BMPR2: variants seen among roughly 807,000 people sequenced by gnomAD.
BMPR2 encodes the protein bone morphogenetic protein receptor type-2.
Under a neutral mutation model 100.8 loss-of-function variants are expected in BMPR2, and 29 were observed. The observed-to-expected ratio is 0.29, with a 90% CI of 0.21 to 0.39. The LOEUF (loss-of-function observed/expected upper bound fraction) is 0.39, where lower values mean the gene tolerates loss of function less well. Among genes scored for constraint, BMPR2 ranks in the 10% least tolerant of loss-of-function variants. The pLI is 1.00. For missense variants in BMPR2, 1,011 were observed against 1,274.5 expected, an observed-to-expected ratio of 0.79 and a Z score of 3.15; for synonymous variants, 382 against 442.3, an observed-to-expected ratio of 0.86 and a Z score of 1.71.
chr2:202,551,385 G>A (rs1182737741), intron 10 of BMPR2, among the ~76,000 whole-genome samples: 14 of 151,104 alleles, frequency 9.3e-5, no homozygotes, highest in Admixed American at 7.2e-4. Flanking sequence ...ACAGCCGGGC[G>A]TGGTGGCAGG....
At chr2:202,444,530 C>G (rs551749197) in intron 1 of BMPR2, among the ~76,000 whole-genome samples, 1 of 150,490 alleles carries the variant, frequency 6.6e-6, no homozygotes, top group South Asian at 2.1e-4. Flanking sequence ...ATAGTTACAT[C>G]AAAAATTTTA....
intron 9 of BMPR2, among the ~76,000 whole-genome samples, chr2:202,537,528 A>G (rs1268349235): frequency 1.3e-5 from 2 of 152,152 alleles, no homozygotes; most frequent in African/African-American, 4.8e-5. Flanking sequence ...AGAAATGGAG[A>G]GTTACTGTTT....
chr2:202,466,226 G>A (rs925192400), intron 2 of BMPR2, among the ~76,000 whole-genome samples: 3 of 152,132 alleles, frequency 2.0e-5, no homozygotes, highest in African/African-American at 7.2e-5. Flanking sequence ...TAAAAGTACT[G>A]TTCATTTATA....
intron 7 of BMPR2, among the ~76,000 whole-genome samples, chr2:202,527,828 A>G (rs1687946770): frequency 6.6e-6 from 1 of 151,984 alleles, no homozygotes; most frequent in Admixed American, 6.6e-5. Flanking sequence ...AAATAAATAA[A>G]TAAAAAATAT....
At chr2:202,408,330 A>G (rs1342788101) in intron 1 of BMPR2, among the ~76,000 whole-genome samples, 1 of 152,212 alleles carries the variant, frequency 6.6e-6, no homozygotes, top group African/African-American at 2.4e-5. Context: ...CACAGAAACC[A>G]TATGTCTGTG....
intron 1 of BMPR2, among the ~76,000 whole-genome samples, chr2:202,411,823 C>T (rs550711316): frequency 6.6e-6 from 1 of 152,220 alleles, no homozygotes; most frequent in South Asian, 2.1e-4. Flanking sequence ...AAGATAACTT[C>T]CCAGTACTTT....
chr2:202,457,541 T>TA, intron 1 of BMPR2, among the ~76,000 whole-genome samples: 2 of 77,542 alleles, frequency 2.6e-5, no homozygotes, highest in Non-Finnish European at 5.3e-5. Flanking sequence ...TTAGCAATAT[T>TA]TTATATATAT....
intron 3 of BMPR2, among the ~76,000 whole-genome samples, chr2:202,493,299 A>C (rs1248356237): frequency 1.3e-5 from 2 of 152,136 alleles, no homozygotes; most frequent in East Asian, 3.8e-4. Flanking sequence ...ATCATTAAAT[A>C]CTTTTTTTTT....
At chr2:202,556,984 C>T (rs1309803237) in intron 12 of BMPR2, among the ~76,000 whole-genome samples, 3 of 151,388 alleles carry the variant, frequency 2.0e-5, no homozygotes, top group Non-Finnish European at 4.4e-5. Context: ...GATCACGACA[C>T]TTCACTCTAG....
intron 3 of BMPR2, among the ~76,000 whole-genome samples, chr2:202,500,017 A>G (rs1371065797): frequency 1.3e-5 from 2 of 152,218 alleles, no homozygotes; most frequent in South Asian, 4.1e-4. Context: ...GGCAATCGCT[A>G]GAAGGTGCAC....
intron 1 of BMPR2, among the ~76,000 whole-genome samples, chr2:202,450,104 CGTCTCAAAAAACAACAACAAG>C (rs1559042288): frequency 1.4e-4 from 21 of 152,126 alleles, no homozygotes; most frequent in African/African-American, 5.1e-4. Flanking sequence ...AGCGAGACTC[CGTCTCAAAAAACAACAACAAG>C]AACAACAACA....
intron 10 of BMPR2, among the ~76,000 whole-genome samples, chr2:202,546,497 A>C (rs891002432): frequency 6.6e-6 from 1 of 152,264 alleles, no homozygotes; most frequent in Admixed American, 6.5e-5. Flanking sequence ...AACCATAGTT[A>C]TCTCTGAATA....
chr2:202,543,033 C>T (rs765998566), intron 10 of BMPR2, among the ~76,000 whole-genome samples: 10 of 151,294 alleles, frequency 6.6e-5, no homozygotes, highest in Non-Finnish European at 1.2e-4. Context: ...AAAAATTAGC[C>T]GGGCGTGGTG....
intron 8 of BMPR2, among the ~76,000 whole-genome samples, chr2:202,531,741 C>T (rs1033805938): frequency 6.6e-6 from 1 of 152,096 alleles, no homozygotes; most frequent in Admixed American, 6.6e-5. Flanking sequence ...AAGCAATTCT[C>T]CTGCCTCAGC....
rs1688752860 is a variant in BMPR2, at chr2:202,565,939, C to A, written c.*5993C>A. 6.6e-6 allele frequency: 1 copy of A among 152,128 alleles called. No individual in the cohort carries two copies. Among genetic ancestry groups the A allele is most frequent in the Non-Finnish European group, 1.5e-5 (1 of 67,988 alleles). 9.4% of individuals were successfully genotyped at this position (152,128 alleles called of 1,614,324 possible). ...TATTAAAACTAGGCTCAAAATAAAT[C>A]TATCGTATCTTTAAAAGTCCAATTC... On this transcript the variant is annotated 3_prime_UTR_variant, in exon 13 of 13. Transcript: ENST00000374580.
At chr2:202,404,777 C>T (rs1690853138) in intron 1 of BMPR2, among the ~76,000 whole-genome samples, 1 of 152,028 alleles carries the variant, frequency 6.6e-6, no homozygotes, top group South Asian at 2.1e-4. Flanking sequence ...CAACCCGTGC[C>T]CTCTTCCCTC....
chr2:202,468,609 T>C (rs1692371747), intron 3 of BMPR2, among the ~76,000 whole-genome samples: 2 of 152,230 alleles, frequency 1.3e-5, no homozygotes. Context: ...ATAGTACGAA[T>C]ATACATAGAC....
intron 7 of BMPR2, among the ~76,000 whole-genome samples, chr2:202,522,223 C>A (rs908895005): frequency 4.0e-5 from 6 of 151,712 alleles, no homozygotes; most frequent in African/African-American, 1.5e-4. Context: ...GAATTTAATT[C>A]TTGGCCGGGC....
intron 10 of BMPR2, among the ~76,000 whole-genome samples, chr2:202,551,431 G>A (rs994800004): frequency 2.6e-5 from 4 of 151,888 alleles, no homozygotes; most frequent in Non-Finnish European, 4.4e-5. Flanking sequence ...GGCTGAGGGA[G>A]GAGAATCACT....
Sources: allele counts gnomAD v4.1 joint callset (sites outside exome capture counted in the v4.1 genomes callset), GRCh38; gene constraint gnomAD v4.1.1; transcripts MANE v1.5; gene names NCBI Gene and HGNC (gene_info 2026-07-23, HGNC 2026-07-21).